Variants in FARP1 observed in about 807,000 individuals in gnomAD.
FARP1 encodes FERM, ARH/RhoGEF and pleckstrin domain protein 1.
Under a neutral mutation model 128.8 loss-of-function variants are expected in FARP1, and 52 were observed. The ratio of observed to expected loss-of-function variants is 0.40; its 90% CI spans 0.32 to 0.51. The LOEUF is 0.51. Among genes scored for constraint, FARP1 ranks in the 20% least tolerant of loss-of-function variants. The probability of loss-of-function intolerance (pLI) is 0.45; values close to 1 mark genes in which losing one functional copy is unlikely to be tolerated. For missense variants in FARP1, 1,333 were observed against 1,367.9 expected (o/e 0.97, Z 0.40); for synonymous variants, 580 against 551.8 (o/e 1.05, Z -0.72).
In FARP1 at chr13:98,438,841, G is replaced by A; in HGVS notation, c.2312G>A (p.Gly771Glu). The A allele has an allele frequency of 6.2e-7, 1 of 1,613,472 alleles. No homozygotes were observed. Among genetic ancestry groups the A allele is most frequent in the Non-Finnish European group, 8.5e-7 (1 of 1,180,010 alleles). Residue 771 changes from glycine to glutamate, a missense_variant, in exon 20 of 27, where the codon GGG becomes GAG. Coordinates refer to ENST00000319562, the MANE Select transcript of FARP1 (RefSeq NM_005766.4). ...IRLGSLSKLS[G>E]KGLQQRMFFL... ...CTGGGCAGCCTCAGCAAGCTCTCGGGGAAGGGGCTCCAGCAGCGCATGTTC... is the reference window on the plus strand; with the variant it reads ...CTGGGCAGCCTCAGCAAGCTCTCGGAGAAGGGGCTCCAGCAGCGCATGTTC...
Position 98,213,507 on chromosome 13 carries a change from G to C in FARP1, c.171+94G>C, listed in dbSNP as rs1372562301. The C allele has an allele frequency of 3.6e-5, 47 of 1,295,322 alleles. No individual in the cohort carries two copies. The East Asian group carries it at 1.1e-3, about 31-fold the overall frequency. 80.2% of individuals were successfully genotyped at this position (1,295,322 alleles called of 1,614,324 possible). On this transcript the variant is annotated intron_variant, in intron 2 of 26. Transcript: ENST00000319562. ...CTCATTCCCATGGCCAGTGACATGA[G>C]GCGGCTGGAGGTCCTGCATGTTCAG... is the stretch of plus-strand genomic sequence containing the variant.
At chr13:98,448,208 T>C (rs948898393) in intron 26 of FARP1, 28 bp from the exon 27 acceptor site, 2 of 1,600,944 alleles carry the variant, frequency 1.2e-6, no homozygotes, top group African/African-American at 2.7e-5. Flanking sequence ...AAACAAAAGG[T>C]TGACTAACTG....
At chr13:98,272,239 A>G (rs1230585419) in intron 2 of FARP1, among the ~76,000 whole-genome samples, 2 of 152,116 alleles carry the variant, frequency 1.3e-5, no homozygotes, top group Non-Finnish European at 2.9e-5. Flanking sequence ...CATGTTGGCC[A>G]GGCTTGCCTT....
intron 2 of FARP1, among the ~76,000 whole-genome samples, chr13:98,269,518 A>G (rs562326220): frequency 6.6e-6 from 1 of 152,348 alleles, no homozygotes. Context: ...CAGCAGCCCT[A>G]TGAAATTGAT....
At chr13:98,208,646 G>T (rs183824353) in intron 1 of FARP1, 2 of 153,058 alleles carry the variant, frequency 1.3e-5, no homozygotes, top group East Asian at 1.9e-4. Context: ...TTGATGGACC[G>T]TAGGTGAGGA....
intron 2 of FARP1, among the ~76,000 whole-genome samples, chr13:98,228,575 A>G (rs546839551): frequency 2.0e-5 from 3 of 152,340 alleles, no homozygotes; most frequent in Non-Finnish European, 4.4e-5. Flanking sequence ...GTATATCGTT[A>G]GTTACCATTT....
rs75912462 is a variant in FARP1, at chr13:98,185,437, G to C, written c.-23-27783G>C. Among the ~76,000 whole-genome samples, 667 of 152,182 alleles carry C rather than the reference G, an allele frequency of 4.4e-3. 25 individuals carry two copies. In the East Asian group the frequency reaches 0.084, roughly 19 times the overall value. On this transcript the variant is annotated intron_variant, in intron 1 of 26. Coordinates refer to ENST00000319562, the MANE Select transcript of FARP1 (RefSeq NM_005766.4). ...CGTTTTGTCCTAGATCTTTATGTTGGGGGGGCTTCCTTTTCTGTTTAAGGT... is the reference window on the plus strand; with the variant it reads ...CGTTTTGTCCTAGATCTTTATGTTGCGGGGGCTTCCTTTTCTGTTTAAGGT...
At chr13:98,351,159 G>T (rs911832154) in intron 3 of FARP1, among the ~76,000 whole-genome samples, 7 of 151,972 alleles carry the variant, frequency 4.6e-5, no homozygotes, top group Non-Finnish European at 7.4e-5. Context: ...CTTGTGGAGT[G>T]GTGGGCCCCC....
intron 2 of FARP1, among the ~76,000 whole-genome samples, chr13:98,287,492 G>C (rs1348915460): frequency 6.6e-6 from 1 of 151,768 alleles, no homozygotes; most frequent in Non-Finnish European, 1.5e-5. Flanking sequence ...GCCTCCCAAA[G>C]TGCGGGATTA....
chr13:98,191,957 C>T (rs953827390), intron 1 of FARP1, among the ~76,000 whole-genome samples: 8 of 152,062 alleles, frequency 5.3e-5, no homozygotes, highest in Admixed American at 1.3e-4. Context: ...AAATTAAATA[C>T]GTAAGTAAAT....
At chr13:98,342,058 G>T (rs1887996277) in intron 2 of FARP1, among the ~76,000 whole-genome samples, 1 of 152,174 alleles carries the variant, frequency 6.6e-6, no homozygotes. Context: ...CACAAAATTG[G>T]TTGGTCTTTA....
chr13:98,309,444 C>T (rs911643988), intron 2 of FARP1, among the ~76,000 whole-genome samples: 5 of 151,946 alleles, frequency 3.3e-5, no homozygotes, highest in African/African-American at 1.2e-4. Context: ...GCTGGGATTA[C>T]AAGCGTGAGC....
At chr13:98,169,828 C>T (rs1395110482) in intron 1 of FARP1, among the ~76,000 whole-genome samples, 1 of 151,778 alleles carries the variant, frequency 6.6e-6, no homozygotes, top group Non-Finnish European at 1.5e-5. Flanking sequence ...TTGCTTTCTC[C>T]ATTTAGTCTG....
chr13:98,198,615 G>A lies in FARP1; in HGVS notation c.-23-14605G>A, dbSNP rs531517559. On this transcript the variant is annotated intron_variant, in intron 1 of 26. Transcript: ENST00000319562. The stretch of plus-strand genomic sequence containing the variant: ...GCCATGGCTGGGCACTGTGGGCCAT[G>A]CCTGTAATCCCAGCATTTTGGAAGG... Among the ~76,000 whole-genome samples, 20 of 152,112 alleles carry A rather than the reference G, an allele frequency of 1.3e-4. No homozygotes were observed. The East Asian group carries it at 3.7e-3, about 28-fold the overall frequency.
At position 98,203,133 on chromosome 13, in the gene FARP1, C is replaced by G. The variant is rs1338139973; in HGVS notation, c.-23-10087C>G. Among the ~76,000 whole-genome samples, 4 of 152,238 alleles carry G rather than the reference C, an allele frequency of 2.6e-5. No homozygotes were observed. In the East Asian group the frequency reaches 5.8e-4, roughly 22 times the overall value. On this transcript the variant is annotated intron_variant, in intron 1 of 26. Coordinates refer to ENST00000319562, the MANE Select transcript of FARP1 (RefSeq NM_005766.4). ...TGCCTTGCTTTTGTCCCAGGCCAGG[C>G]TGGCCGCCTCACTGGAGTCAGCTCT...
chr13:98,316,545 G>T (rs1886729187), intron 2 of FARP1, among the ~76,000 whole-genome samples: 2 of 152,170 alleles, frequency 1.3e-5, no homozygotes, highest in Admixed American at 1.3e-4. Context: ...GAGGCCCATT[G>T]CCCTGGAGAG....
chr13:98,444,821 G>C lies in FARP1; in HGVS notation c.2797-1277G>C, dbSNP rs548076938. Among the ~76,000 whole-genome samples, 29 of 152,344 alleles carry C rather than the reference G, an allele frequency of 1.9e-4. 1 individual carries two copies. The South Asian group carries it at 5.6e-3, about 29-fold the overall frequency. ...AGTCAGTATGAAAATACCTAGGAAA[G>C]GGGAGTGTGCCACCCTCCTTGCTCC... On this transcript the variant is annotated intron_variant, in intron 24 of 26. Transcript: ENST00000319562.
At chr13:98,366,353 TATA>T (rs1889083178) in intron 4 of FARP1, among the ~76,000 whole-genome samples, 1 of 152,222 alleles carries the variant, frequency 6.6e-6, no homozygotes, top group African/African-American at 2.4e-5. Context: ...AGCAGTTACT[TATA>T]ATAATTATAC....
rs781669558 is a variant in FARP1 at position 98,388,408 on chromosome 13, A to G, written c.785A>G (p.Asn262Ser). 8 of 1,613,986 alleles carry G rather than the reference A, an allele frequency of 5.0e-6. No individual in the cohort carries two copies. The Admixed American group carries it at 1.0e-4, about 20-fold the overall frequency. The change falls in exon 9 of 27, where the codon AAC (asparagine) becomes AGC (serine). Residue 262 changes from asparagine (N) to serine (S), a missense_variant. Physicochemically the swap from Asn to Ser is conservative, Grantham distance 46. Around this residue, in one of 2 missense-constraint regions of FARP1, gnomAD observed 324 missense variants for 398.1 expected, o/e 0.81. Transcript: ENST00000319562. The part of the protein sequence containing the change: ...FQGFTKINAF[N>S]WAKVRKLSFK... ...GGTTTCACTAAGATCAATGCCTTCAACTGGGCCAAGGTGCGGAAGCTGAGC... is the reference window on the plus strand; with the variant it reads ...GGTTTCACTAAGATCAATGCCTTCAGCTGGGCCAAGGTGCGGAAGCTGAGC...
Sources: gnomAD v4.1 joint callset for allele counts (sites outside exome capture counted in the v4.1 genomes callset) on GRCh38, gnomAD v4.1.1 for gene constraint, gnomAD v4.1.1 regional missense constraint, MANE v1.5 for transcripts, NCBI Gene and HGNC (gene_info 2026-07-23, HGNC 2026-07-21) for gene names.